Variants in NDE1 observed in about 807,000 individuals in gnomAD.
The protein encoded by NDE1 is nudE neurodevelopment protein 1, also known as nuclear distribution protein nudE homolog 1.
Under a neutral mutation model 43.4 loss-of-function variants are expected in NDE1, and 28 were observed. The ratio of observed to expected loss-of-function variants is 0.65; its 90% CI spans 0.48 to 0.89. The LOEUF (loss-of-function observed/expected upper bound fraction) is 0.89, where lower values mean the gene tolerates loss of function less well. Ranked by LOEUF, NDE1 falls within the 40% of genes least tolerant of loss-of-function variation. The probability of loss-of-function intolerance (pLI) is 0.00; values close to 1 mark genes in which losing one functional copy is unlikely to be tolerated. For synonymous variants in NDE1, 184 were observed against 172.0 expected, an observed-to-expected ratio of 1.07 and a Z score of -0.55; for missense variants, 441 against 434.1, an observed-to-expected ratio of 1.02 and a Z score of -0.14.
chr16:15,718,276 C>G lies in NDE1; in HGVS notation c.948-5915C>G, dbSNP rs752164134. ...GTGCAGGATCCTGCTGCAGGAGAGA[C>G]AGTAGGCAGCGTGACTGTGGTGTCC... On this transcript the variant is annotated intron_variant, in intron 8 of 8. Transcript: ENST00000396354. 15 of 1,605,572 alleles carry G rather than the reference C, an allele frequency of 9.3e-6. No individual in the cohort carries two copies. The South Asian group carries it at 1.5e-4, about 16-fold the overall frequency.
intron 3 of NDE1, among the ~76,000 whole-genome samples, chr16:15,674,244 G>A (rs912378139): frequency 1.3e-5 from 2 of 151,778 alleles, no homozygotes; most frequent in African/African-American, 4.8e-5. Flanking sequence ...TTCTGTCTTA[G>A]TTTTTGTTTG....
intron 6 of NDE1, among the ~76,000 whole-genome samples, 176 bp from the exon 7 acceptor site, chr16:15,693,989 T>C (rs1309864129): frequency 6.6e-6 from 1 of 152,170 alleles, no homozygotes; most frequent in Non-Finnish European, 1.5e-5. Context: ...AAATTGGTTG[T>C]CATACGGGCC....
At chr16:15,651,010 C>G (rs1485061182) in intron 1 of NDE1, among the ~76,000 whole-genome samples, 2 of 152,188 alleles carry the variant, frequency 1.3e-5, no homozygotes, top group African/African-American at 2.4e-5. Flanking sequence ...AATGCTTATT[C>G]CGCAGCTTGA....
At chr16:15,704,997 A>C (rs947867449) in intron 8 of NDE1, among the ~76,000 whole-genome samples, 2 of 152,074 alleles carry the variant, frequency 1.3e-5, no homozygotes, top group Non-Finnish European at 2.9e-5. Flanking sequence ...GGATTTAAAA[A>C]AGAAATTTAA....
intron 1 of NDE1, among the ~76,000 whole-genome samples, chr16:15,655,621 A>G (rs1034115861): frequency 6.6e-6 from 1 of 152,148 alleles, no homozygotes; most frequent in Non-Finnish European, 1.5e-5. Context: ...CAGCCATCGC[A>G]TTACTGGGTA....
At position 15,650,566 on chromosome 16, in the gene NDE1, G is replaced by A. The variant is rs191530609; in HGVS notation, c.-44+272G>A. Among the ~76,000 whole-genome samples, 70 of 152,256 alleles carry A rather than the reference G, an allele frequency of 4.6e-4. No individual in the cohort carries two copies. In the East Asian group the frequency reaches 0.013, roughly 29 times the overall value. On this transcript the variant is annotated intron_variant, in intron 1 of 8. Coordinates refer to ENST00000396354, the MANE Select transcript of NDE1 (RefSeq NM_017668.3). ...GGTGCGTTCCTCGCGCTGGCCCCTC[G>A]CCCTTGGCAACTTTGTTTCTCTTTC... is the stretch of plus-strand genomic sequence containing the variant.
chr16:15,688,536 G>A lies in NDE1; in HGVS notation c.523+1025G>A, dbSNP rs183829466. ...CAATCCCAGCTGCTCAGGAGGCTGA[G>A]GCACGAGAATTGCTTGAACCTGGGA... is the stretch of plus-strand genomic sequence containing the variant. On this transcript the variant is annotated intron_variant, in intron 5 of 8. Transcript: ENST00000396354. Among the ~76,000 whole-genome samples the A allele has an allele frequency of 4.2e-3, 638 of 150,210 alleles. 1 individual carries two copies. The highest frequency in any genetic ancestry group is 7.3e-3 in the Non-Finnish European group (494 of 67,618).
chr16:15,685,090 C>T (rs1042884518), intron 4 of NDE1, among the ~76,000 whole-genome samples: 1 of 152,174 alleles, frequency 6.6e-6, no homozygotes, highest in African/African-American at 2.4e-5. Context: ...AATGGGTCTT[C>T]CTCTTTATAT....
At chr16:15,720,570 G>A (rs1241717843) in intron 8 of NDE1, among the ~76,000 whole-genome samples, 1 of 150,704 alleles carries the variant, frequency 6.6e-6, no homozygotes, top group Non-Finnish European at 1.5e-5. Flanking sequence ...CCAACATGGT[G>A]AAACCTTGTC....
chr16:15,691,479 G>GA (rs781737559), intron 6 of NDE1, among the ~76,000 whole-genome samples, 156 bp downstream of exon 6: 23 of 152,110 alleles, frequency 1.5e-4, no homozygotes, highest in Middle Eastern at 3.4e-3. Context: ...TGTTCTTGGG[G>GA]ATGGGCATTG....
intron 8 of NDE1, among the ~76,000 whole-genome samples, chr16:15,698,864 A>G (rs938169002): frequency 7.4e-6 from 1 of 135,920 alleles, no homozygotes; most frequent in Non-Finnish European, 1.6e-5. Flanking sequence ...CTTTCTCAAG[A>G]AAAAAAAAAA....
chr16:15,705,124 C>T (rs889387563), intron 8 of NDE1, among the ~76,000 whole-genome samples: 6 of 152,112 alleles, frequency 3.9e-5, no homozygotes, highest in African/African-American at 7.2e-5. Flanking sequence ...ACTACATGCA[C>T]GTGCACACTG....
chr16:15,652,920 C>T (rs1344110707), intron 1 of NDE1, among the ~76,000 whole-genome samples: 1 of 152,198 alleles, frequency 6.6e-6, no homozygotes, highest in Non-Finnish European at 1.5e-5. Context: ...TCCGCCTCAG[C>T]CTCCCAACGT....
chr16:15,697,997 G>A (rs542132938), intron 8 of NDE1, among the ~76,000 whole-genome samples: 5 of 151,864 alleles, frequency 3.3e-5, no homozygotes, highest in South Asian at 4.2e-4. Context: ...TAGTCGAGAC[G>A]GGGTTTCACT....
chr16:15,711,556 AC>A (rs2039796166), intron 8 of NDE1, among the ~76,000 whole-genome samples: 1 of 152,188 alleles, frequency 6.6e-6, no homozygotes, highest in Non-Finnish European at 1.5e-5. Context: ...TATGATTAAA[AC>A]TGTTAAAAGA....
chr16:15,716,554 CTG>C (rs1244110943), intron 8 of NDE1, among the ~76,000 whole-genome samples: 4 of 152,152 alleles, frequency 2.6e-5, no homozygotes, highest in African/African-American at 9.6e-5. Flanking sequence ...AAGGGTCCCA[CTG>C]TGTCACCCAG....
At chr16:15,677,124 T>A (rs900195619) in intron 3 of NDE1, among the ~76,000 whole-genome samples, 11 of 152,104 alleles carry the variant, frequency 7.2e-5, no homozygotes, top group African/African-American at 2.7e-4. Context: ...CTGCTTTGAA[T>A]GACACCTGCC....
At chr16:15,668,830 G>A (rs1031280198) in intron 3 of NDE1, among the ~76,000 whole-genome samples, 2 of 152,152 alleles carry the variant, frequency 1.3e-5, no homozygotes, top group Non-Finnish European at 2.9e-5. Flanking sequence ...CGACCTGGCT[G>A]CTGTTGACAT....
intron 7 of NDE1, 129 bp from the exon 8 acceptor site, chr16:15,696,580 C>T (rs1455107966): frequency 6.5e-7 from 1 of 1,544,028 alleles, no homozygotes; most frequent in Non-Finnish European, 8.8e-7. Context: ...CTCTTGGGGT[C>T]CCACCTTGGA....
Sources: gnomAD v4.1 joint callset for allele counts (sites outside exome capture counted in the v4.1 genomes callset) on GRCh38, gnomAD v4.1.1 for gene constraint, MANE v1.5 for transcripts, NCBI Gene and HGNC (gene_info 2026-07-23, HGNC 2026-07-21) for gene names.